The following DLGAP1 variants were observed in gnomAD, a reference collection of about 807,000 sequenced individuals.
DLGAP1 encodes the protein disks large-associated protein 1.
DLGAP1 carries 11 observed loss-of-function variants against 90.8 expected under a neutral mutation model. That is an observed-to-expected ratio of 0.12 (90% CI 0.08 to 0.20). The LOEUF (loss-of-function observed/expected upper bound fraction) is 0.20. Ranked by LOEUF, DLGAP1 falls within the 10% of genes least tolerant of loss-of-function variation. The pLI is 1.00. For synonymous variants in DLGAP1, 558 were observed against 540.7 expected (o/e 1.03, Z -0.44); for missense variants, 1,050 against 1,333.8 (o/e 0.79, Z 3.31).
At chr18:4,381,345 A>G (rs1296324105) in intron 1 of DLGAP1, among the ~76,000 whole-genome samples, 1 of 152,162 alleles carries the variant, frequency 6.6e-6, no homozygotes. Flanking sequence ...ATATAATATA[A>G]GCAGAATGAT....
intron 1 of DLGAP1, among the ~76,000 whole-genome samples, chr18:4,305,926 G>A (rs1762398247): frequency 6.6e-6 from 1 of 151,562 alleles, no homozygotes; most frequent in Admixed American, 6.6e-5. Flanking sequence ...TTTTGTCAGA[G>A]GAATTTTAGG....
intron 9 of DLGAP1, among the ~76,000 whole-genome samples, chr18:3,561,554 C>T (rs2054118886): frequency 6.7e-6 from 1 of 150,094 alleles, no homozygotes; most frequent in African/African-American, 2.5e-5. Flanking sequence ...CTGCTGGCAA[C>T]AAATTCCCTC....
intron 3 of DLGAP1, among the ~76,000 whole-genome samples, chr18:3,981,521 A>G (rs1315637358): frequency 6.6e-6 from 1 of 152,246 alleles, no homozygotes; most frequent in Non-Finnish European, 1.5e-5. Flanking sequence ...GAGGGAAGGA[A>G]GAGCAGAGTT....
At chr18:3,547,264 T>C (rs945226469) in intron 9 of DLGAP1, among the ~76,000 whole-genome samples, 21 of 129,532 alleles carry the variant, frequency 1.6e-4, no homozygotes, top group Middle Eastern at 4.9e-3. Context: ...ATCGCGCCAC[T>C]GCACTCCAGC....
At chr18:3,612,618 C>G (rs978127051) in intron 7 of DLGAP1, among the ~76,000 whole-genome samples, 1 of 152,208 alleles carries the variant, frequency 6.6e-6, no homozygotes, top group African/African-American at 2.4e-5. Flanking sequence ...GGCTGCAACT[C>G]TGCTGTTCAG....
rs2075727281 is a variant in DLGAP1 at position 4,098,881 on chromosome 18, TTG to T, written c.-159+52297_-159+52298del. On this transcript the variant is annotated intron_variant, in intron 2 of 12. Transcript: ENST00000315677. ...GGGCAAGTCAGATAGTTTAAGTAAG[TTG>T]TGTAAAATCCTAAGTCCAGAAGTCT... Among the ~76,000 whole-genome samples, 5 of 152,320 alleles carry T rather than the reference TTG, an allele frequency of 3.3e-5. No homozygotes were observed. In the South Asian group the frequency reaches 1.0e-3, roughly 32 times the overall value.
Position 3,775,119 on chromosome 18 carries a change from C to T in DLGAP1, c.1173-32607G>A, listed in dbSNP as rs2064879224. The stretch of plus-strand genomic sequence containing the variant: ...GTGTGTTCTTTAAGCCCATTGAACT[C>T]TCCTAAAAATCATTTAGTACCTCCC... On this transcript the variant is annotated intron_variant, in intron 5 of 12. Coordinates refer to ENST00000315677, the MANE Select transcript of DLGAP1 (RefSeq NM_004746.4). The surrounding 1 kb of genome is among the most constrained non-coding windows in gnomAD (Gnocchi z 4.9). Among the ~76,000 whole-genome samples, 1 of 152,196 alleles carries T rather than the reference C, an allele frequency of 6.6e-6. No individual in the cohort carries two copies. The highest frequency in any genetic ancestry group is 2.4e-5 in the African/African-American group (1 of 41,444).
chr18:3,599,643 GAC>G (rs1376587652), intron 7 of DLGAP1, among the ~76,000 whole-genome samples: 4 of 152,110 alleles, frequency 2.6e-5, no homozygotes, highest in Non-Finnish European at 5.9e-5. Context: ...TGTTTTTTGA[GAC>G]AGTCTCACTC....
At chr18:3,556,312 G>T (rs1306080655) in intron 9 of DLGAP1, among the ~76,000 whole-genome samples, 1 of 147,582 alleles carries the variant, frequency 6.8e-6, no homozygotes, top group Non-Finnish European at 1.5e-5. Flanking sequence ...ATCACCCAAA[G>T]TCCATGGTTT....
intron 1 of DLGAP1, among the ~76,000 whole-genome samples, chr18:4,445,542 G>A (rs2083643130): frequency 6.9e-6 from 1 of 145,498 alleles, no homozygotes; most frequent in South Asian, 2.1e-4. Context: ...GTGAGAATAT[G>A]CGGTGTTTGG....
chr18:3,593,806 T>A (rs1367618423), intron 7 of DLGAP1: 1 of 152,190 alleles, frequency 6.6e-6, no homozygotes, highest in African/African-American at 2.4e-5. Context: ...GCTGCGCTGC[T>A]AATCAAACGC....
intron 3 of DLGAP1, among the ~76,000 whole-genome samples, chr18:3,933,075 T>C (rs1222374959): frequency 6.6e-6 from 1 of 152,196 alleles, no homozygotes; most frequent in Non-Finnish European, 1.5e-5. Flanking sequence ...GAGTTGCAGT[T>C]GGTTCAAGAT....
chr18:3,627,164 T>C (rs117888582), intron 7 of DLGAP1, among the ~76,000 whole-genome samples: 2 of 151,942 alleles, frequency 1.3e-5, no homozygotes, highest in African/African-American at 4.8e-5. Flanking sequence ...GGTCTTGAAC[T>C]CCTGAGCTTA....
At chr18:4,447,398 C>T (rs762060569) in intron 1 of DLGAP1, among the ~76,000 whole-genome samples, 2 of 152,120 alleles carry the variant, frequency 1.3e-5, no homozygotes, top group Non-Finnish European at 2.9e-5. Flanking sequence ...ATTATTACTA[C>T]TTATAAATAG....
chr18:4,237,351 G>A (rs1463138774), intron 1 of DLGAP1, among the ~76,000 whole-genome samples: 2 of 152,256 alleles, frequency 1.3e-5, no homozygotes, highest in Non-Finnish European at 2.9e-5. Context: ...AGTGGGCGCA[G>A]TCTTGGTATG....
chr18:3,611,001 C>T lies in DLGAP1; in HGVS notation c.1592-28753G>A, dbSNP rs1306903509. Among the ~76,000 whole-genome samples, 3 of 150,822 alleles carry T rather than the reference C, an allele frequency of 2.0e-5. No individual in the cohort carries two copies. The East Asian group carries it at 5.9e-4, about 30-fold the overall frequency. On this transcript the variant is annotated intron_variant, in intron 7 of 12. Coordinates refer to ENST00000315677, the MANE Select transcript of DLGAP1 (RefSeq NM_004746.4). ...AAATTTGTATGCCAGCCATGTGTGG[C>T]ATAAGCCTGTAGTCTCAGTTACTCA...
At chr18:3,666,318 G>A (rs532256486) in intron 7 of DLGAP1, among the ~76,000 whole-genome samples, 40 of 152,336 alleles carry the variant, frequency 2.6e-4, no homozygotes, top group African/African-American at 9.4e-4. Context: ...TTCAAAGAAA[G>A]GATTTTTAAA....
intron 2 of DLGAP1, among the ~76,000 whole-genome samples, chr18:4,021,686 CT>C (rs1378656974): frequency 6.6e-6 from 1 of 152,160 alleles, no homozygotes; most frequent in East Asian, 1.9e-4. Flanking sequence ...CAACCTCCGC[CT>C]CCTGGATTCA....
intron 3 of DLGAP1, among the ~76,000 whole-genome samples, chr18:3,979,115 ATG>A (rs917907594): frequency 3.3e-5 from 5 of 152,258 alleles, no homozygotes; most frequent in African/African-American, 9.6e-5. Context: ...ATTATGCTAA[ATG>A]AAATAAGCCA....
Sources: gnomAD v4.1 joint callset for allele counts (sites outside exome capture counted in the v4.1 genomes callset) on GRCh38, gnomAD v4.1.1 for gene constraint, Gnocchi (gnomAD v3.1) non-coding constraint, MANE v1.5 for transcripts, NCBI Gene and HGNC (gene_info 2026-07-23, HGNC 2026-07-21) for gene names.